Variants in ACTR3C observed in about 807,000 individuals in gnomAD.
The protein encoded by ACTR3C is actin related protein 3C, also known as actin-related protein 3C.
ACTR3C carries 18 observed loss-of-function variants against 26.3 expected under a neutral mutation model. That is an observed-to-expected ratio of 0.68 (90% CI 0.47 to 1.01). The LOEUF is 1.01. ACTR3C is among the 50% of genes least tolerant of loss of function. ACTR3C has a pLI of 0.00. For missense variants in ACTR3C, 184 were observed against 250.7 expected (o/e 0.73, Z 1.80); for synonymous variants, 55 against 94.5 (o/e 0.58, Z 2.42).
the ACTR3C span, among the ~76,000 whole-genome samples, chr7:149,902,158 A>G: frequency 1.3e-5 from 2 of 152,144 alleles, no homozygotes; most frequent in African/African-American, 4.8e-5. Flanking sequence ...GAGACACAAC[A>G]ATAGTAATTT....
At chr7:150,089,242 T>C in the ACTR3C span, among the ~76,000 whole-genome samples, 2 of 152,210 alleles carry the variant, frequency 1.3e-5, no homozygotes, top group Non-Finnish European at 2.9e-5. Context: ...TATTGTGCAA[T>C]GGAACAGCCC....
the ACTR3C span, among the ~76,000 whole-genome samples, chr7:149,994,362 C>T: frequency 6.6e-6 from 1 of 152,102 alleles, no homozygotes; most frequent in African/African-American, 2.4e-5. Flanking sequence ...CTTTGGGAGG[C>T]TGAGGCGGGC....
chr7:149,957,895 G>C, the ACTR3C span, among the ~76,000 whole-genome samples: 2 of 152,136 alleles, frequency 1.3e-5, no homozygotes, highest in East Asian at 1.9e-4. Context: ...TTAGAGAAGA[G>C]AGCCGCATAA....
the ACTR3C span, among the ~76,000 whole-genome samples, chr7:150,198,443 G>C: frequency 0.039 from 5,445 of 139,700 alleles, 263 homozygotes; most frequent in African/African-American, 0.15. Context: ...AGTGAGGAGC[G>C]TCTCTGCCCG....
At chr7:149,919,289 G>T in the ACTR3C span, among the ~76,000 whole-genome samples, 2 of 150,494 alleles carry the variant, frequency 1.3e-5, no homozygotes, top group East Asian at 3.9e-4. Flanking sequence ...TGCCCAGGCT[G>T]GAGTGCAGTA....
the ACTR3C span, among the ~76,000 whole-genome samples, chr7:149,966,925 G>T: frequency 6.6e-6 from 1 of 150,906 alleles, no homozygotes; most frequent in East Asian, 1.9e-4. Flanking sequence ...GCAATGGCGT[G>T]ATCTCGGCTC....
chr7:149,902,604 A>G, the ACTR3C span, among the ~76,000 whole-genome samples: 1 of 108,536 alleles, frequency 9.2e-6, no homozygotes, highest in Admixed American at 1.1e-4. Flanking sequence ...AGAAGAAAAA[A>G]AAGAAAAGAA....
chr7:149,899,671 G>A, the ACTR3C span, among the ~76,000 whole-genome samples: 1 of 150,442 alleles, frequency 6.6e-6, no homozygotes, highest in Non-Finnish European at 1.5e-5. Context: ...TAGCATTTGT[G>A]GATTACAATT....
chr7:150,137,081 G>A, the ACTR3C span, among the ~76,000 whole-genome samples: 1 of 152,194 alleles, frequency 6.6e-6, no homozygotes. Flanking sequence ...TGGGGCTTGG[G>A]CAGTCATGCT....
At chr7:150,300,358 A>G (rs1214471898) in intron 1 of ACTR3C, among the ~76,000 whole-genome samples, 1 of 152,200 alleles carries the variant, frequency 6.6e-6, no homozygotes, top group Non-Finnish European at 1.5e-5. Flanking sequence ...TCTCAAAAAA[A>G]ACAACAACAA....
chr7:150,318,164 T>A (rs941708746), intron 1 of ACTR3C, among the ~76,000 whole-genome samples: 2 of 152,220 alleles, frequency 1.3e-5, no homozygotes, highest in African/African-American at 4.8e-5. Context: ...TAGTCATTTG[T>A]ATCAGCCAGG....
rs183287712 is a variant in ACTR3C at position 150,260,901 on chromosome 7, G to C, written c.565-11847C>G. ...TGAGATATGGACTTCTTTGCAGTCT[G>C]ACAAACTTTGTAGACACTTCTCAAA... On this transcript the variant is annotated intron_variant, in intron 6 of 7. Coordinates refer to ENST00000683684, the MANE Select transcript of ACTR3C (RefSeq NM_001164458.2). Among the ~76,000 whole-genome samples, 567 of 152,218 alleles carry C rather than the reference G, an allele frequency of 3.7e-3. 1 individual carries two copies. The highest frequency in any genetic ancestry group is 0.013 in the African/African-American group (540 of 41,520).
chr7:149,980,865 A>G, the ACTR3C span, among the ~76,000 whole-genome samples: 1 of 152,166 alleles, frequency 6.6e-6, no homozygotes, highest in Non-Finnish European at 1.5e-5. Flanking sequence ...TTTACATTTG[A>G]CTTTATAACT....
chr7:150,188,976 ATT>A, the ACTR3C span, among the ~76,000 whole-genome samples: 1,493 of 146,308 alleles, frequency 0.01, 16 homozygotes, highest in African/African-American at 0.038. Flanking sequence ...ATATGTATAT[ATT>A]TGTAATGCCC....
the ACTR3C span, among the ~76,000 whole-genome samples, chr7:149,981,630 G>A: frequency 2.0e-5 from 3 of 150,750 alleles, no homozygotes; most frequent in Non-Finnish European, 1.5e-5. Flanking sequence ...GGGGGGGACA[G>A]CACCTCCCAT....
At chr7:150,052,839 A>T in the ACTR3C span, among the ~76,000 whole-genome samples, 1 of 108,128 alleles carries the variant, frequency 9.2e-6, no homozygotes, top group African/African-American at 3.2e-5. Flanking sequence ...GCCTTTCTAC[A>T]TTTAACCATA....
the ACTR3C span, among the ~76,000 whole-genome samples, chr7:150,136,467 C>T: frequency 6.6e-6 from 1 of 151,942 alleles, no homozygotes; most frequent in Non-Finnish European, 1.5e-5. Context: ...TTCAGGAGTT[C>T]GAGATCAGCT....
At chr7:149,994,605 A>G in the ACTR3C span, among the ~76,000 whole-genome samples, 1 of 151,956 alleles carries the variant, frequency 6.6e-6, no homozygotes, top group Non-Finnish European at 1.5e-5. Context: ...CCATCTCAAA[A>G]GAAAAAAAAA....
At chr7:150,239,507 GCT>G (rs1187583060), downstream of ACTR3C, among the ~76,000 whole-genome samples, 4,162 of 102,698 alleles carry the variant, frequency 0.041, 197 homozygotes, top group East Asian at 0.071. Flanking sequence ...AAAGTTGCTC[GCT>G]CTCTCTCTCT....
Sources: allele counts gnomAD v4.1 joint callset (sites outside exome capture counted in the v4.1 genomes callset), GRCh38; gene constraint gnomAD v4.1.1; transcripts MANE v1.5; gene names NCBI Gene and HGNC (gene_info 2026-07-23, HGNC 2026-07-21).